The following TRAF3 variants were observed in gnomAD, a reference collection of about 807,000 sequenced individuals.
TRAF3 encodes the protein TNF receptor-associated factor 3.
Under a neutral mutation model 62.3 loss-of-function variants are expected in TRAF3, and 13 were observed. The ratio of observed to expected loss-of-function variants is 0.21; its 90% CI spans 0.14 to 0.33. TRAF3 has a LOEUF of 0.33. TRAF3 is among the 10% of genes least tolerant of loss of function. The probability of loss-of-function intolerance (pLI) is 1.00; values close to 1 mark genes in which losing one functional copy is unlikely to be tolerated. For synonymous variants in TRAF3, 269 were observed against 283.4 expected (o/e 0.95, Z 0.51); for missense variants, 440 against 741.8 (o/e 0.59, Z 4.73).
At chr14:102,829,920 A>G (rs1900568078) in intron 1 of TRAF3, among the ~76,000 whole-genome samples, 1 of 152,230 alleles carries the variant, frequency 6.6e-6, no homozygotes, top group Admixed American at 6.5e-5. Flanking sequence ...GCTTGAGCCC[A>G]GGAATCTAAG....
intron 2 of TRAF3, among the ~76,000 whole-genome samples, chr14:102,840,711 A>G (rs1055453730): frequency 4.6e-5 from 7 of 152,170 alleles, no homozygotes; most frequent in Non-Finnish European, 1.0e-4. Flanking sequence ...TTGACACTCA[A>G]TTAAGATTTG....
intron 1 of TRAF3, among the ~76,000 whole-genome samples, chr14:102,800,695 C>CTTT (rs369818329): frequency 1.7e-4 from 23 of 133,174 alleles, no homozygotes; most frequent in South Asian, 4.7e-4. Context: ...TGTTCTTTTC[C>CTTT]TTTTTTTTTT....
intron 2 of TRAF3, among the ~76,000 whole-genome samples, chr14:102,831,202 A>C (rs551820141): frequency 6.6e-6 from 1 of 152,142 alleles, no homozygotes; most frequent in Non-Finnish European, 1.5e-5. Context: ...CAATGGTGCT[A>C]TGTGACTGCT....
At chr14:102,901,296 G>A (rs149497532) in intron 10 of TRAF3, among the ~76,000 whole-genome samples, 9 of 152,296 alleles carry the variant, frequency 5.9e-5, no homozygotes, top group South Asian at 4.1e-4. Context: ...GAGGCTCAGC[G>A]TGAGGCGCAG....
chr14:102,880,019 G>A (rs370588982), intron 6 of TRAF3, among the ~76,000 whole-genome samples: 1 of 152,156 alleles, frequency 6.6e-6, no homozygotes. Flanking sequence ...GGGAGGCCAA[G>A]GTAGGAAGAT....
chr14:102,829,346 C>G (rs1304588835), intron 1 of TRAF3, among the ~76,000 whole-genome samples: 1 of 152,198 alleles, frequency 6.6e-6, no homozygotes, highest in African/African-American at 2.4e-5. Context: ...TGAAGCACAT[C>G]CTTTCTCTTT....
At chr14:102,842,654 G>A (rs1886447720) in intron 2 of TRAF3, among the ~76,000 whole-genome samples, 1 of 152,062 alleles carries the variant, frequency 6.6e-6, no homozygotes, top group South Asian at 2.1e-4. Flanking sequence ...CAAATATAAA[G>A]AAATCCAAGG....
chr14:102,781,085 G>T (rs1897256905), intron 1 of TRAF3, among the ~76,000 whole-genome samples: 2 of 152,194 alleles, frequency 1.3e-5, no homozygotes, highest in Non-Finnish European at 2.9e-5. Context: ...CCACCATAAG[G>T]GAAAGAGAAA....
At chr14:102,866,689 A>T (rs1045872943) in intron 2 of TRAF3, among the ~76,000 whole-genome samples, 3 of 152,162 alleles carry the variant, frequency 2.0e-5, no homozygotes, top group Non-Finnish European at 2.9e-5. Context: ...CTGAAAAAAT[A>T]AAAAAATTAG....
rs758101150 is a variant in TRAF3 at position 102,871,901 on chromosome 14, TTG to T, written c.246-12_246-11del. 6.2e-7 allele frequency: 1 copy of T among 1,613,722 alleles called. No individual in the cohort carries two copies. The highest frequency in any genetic ancestry group is 1.7e-5 in the Admixed American group (1 of 60,022). On this transcript the variant is annotated splice_polypyrimidine_tract_variant and intron_variant, in intron 3 of 11. Transcript: ENST00000392745. ...GGGACTTCCACTCTAATGCAGTCACTTGTGTTTCCCTGCAGCTCTTCAAGTCC... is the reference window on the plus strand; with the variant it reads ...GGGACTTCCACTCTAATGCAGTCACTTGTTTCCCTGCAGCTCTTCAAGTCC...
At chr14:102,835,230 A>G (rs934293341) in intron 2 of TRAF3, among the ~76,000 whole-genome samples, 2 of 152,206 alleles carry the variant, frequency 1.3e-5, no homozygotes, top group South Asian at 2.1e-4. Flanking sequence ...CAGAATAACT[A>G]TTATTAAAAA....
chr14:102,884,700 T>A (rs1889262018), intron 6 of TRAF3, among the ~76,000 whole-genome samples: 1 of 151,370 alleles, frequency 6.6e-6, no homozygotes, highest in Non-Finnish European at 1.5e-5. Context: ...TAGTCCCAGC[T>A]CCTCCGGAGG....
At chr14:102,794,635 C>G (rs1897971922) in intron 1 of TRAF3, among the ~76,000 whole-genome samples, 1 of 152,170 alleles carries the variant, frequency 6.6e-6, no homozygotes, top group Non-Finnish European at 1.5e-5. Flanking sequence ...TTGTGACTGT[C>G]CTTGATCTGG....
intron 1 of TRAF3, among the ~76,000 whole-genome samples, chr14:102,816,467 C>G (rs1271763220): frequency 6.6e-6 from 1 of 152,070 alleles, no homozygotes; most frequent in Non-Finnish European, 1.5e-5. Flanking sequence ...TAAAAAAATG[C>G]AAAATATCCT....
intron 1 of TRAF3, among the ~76,000 whole-genome samples, chr14:102,794,527 C>T (rs1469353354): frequency 2.0e-5 from 3 of 152,206 alleles, no homozygotes; most frequent in Non-Finnish European, 4.4e-5. Context: ...ATCAGTGTAG[C>T]ATTATTCCTG....
At chr14:102,787,366 A>C (rs960353726) in intron 1 of TRAF3, among the ~76,000 whole-genome samples, 1 of 151,912 alleles carries the variant, frequency 6.6e-6, no homozygotes, top group African/African-American at 2.4e-5. Flanking sequence ...TTTTTCTGTT[A>C]TTTAGCAATA....
chr14:102,819,937 G>A (rs1259353963), intron 1 of TRAF3, among the ~76,000 whole-genome samples: 1 of 152,226 alleles, frequency 6.6e-6, no homozygotes, highest in African/African-American at 2.4e-5. Context: ...TGCAGAGAAG[G>A]GATTATGGAC....
chr14:102,822,902 A>T (rs935934830), intron 1 of TRAF3, among the ~76,000 whole-genome samples: 49 of 152,046 alleles, frequency 3.2e-4, no homozygotes, highest in African/African-American at 1.1e-3. Flanking sequence ...GCTACTGGGG[A>T]GGCTGAGGCA....
chr14:102,865,460 T>C (rs1887927991), intron 2 of TRAF3, among the ~76,000 whole-genome samples: 1 of 152,030 alleles, frequency 6.6e-6, no homozygotes, highest in Admixed American at 6.6e-5. Context: ...TATTGGATTG[T>C]CCCTTTTTCA....
Sources: allele counts gnomAD v4.1 joint callset (sites outside exome capture counted in the v4.1 genomes callset), GRCh38; gene constraint gnomAD v4.1.1; transcripts MANE v1.5; gene names NCBI Gene and HGNC (gene_info 2026-07-23, HGNC 2026-07-21).